KIAA0319: variants seen among roughly 807,000 people sequenced by gnomAD.
KIAA0319 encodes KIAA0319.
Under a neutral mutation model 108.4 loss-of-function variants are expected in KIAA0319, and 83 were observed. The observed-to-expected ratio is 0.77, with a 90% confidence interval of 0.64 to 0.92. KIAA0319 has a LOEUF of 0.92. KIAA0319 is among the 40% of genes least tolerant of loss of function. The pLI, the probability that KIAA0319 is intolerant of heterozygous loss-of-function variation, is 0.00. For synonymous variants in KIAA0319, 484 were observed against 510.4 expected, an observed-to-expected ratio of 0.95 and a Z score of 0.70; for missense variants, 1,195 against 1,322.4, an observed-to-expected ratio of 0.90 and a Z score of 1.49.
In KIAA0319 at chr6:24,545,172, T is replaced by G. The variant is rs779199689; in HGVS notation, c.*1993A>C. The G allele has an allele frequency of 6.6e-6, 1 of 152,170 alleles. No individual in the cohort carries two copies. The highest frequency in any genetic ancestry group is 1.5e-5 in the Non-Finnish European group (1 of 68,024). 9.4% of individuals were successfully genotyped at this position (152,170 alleles called of 1,614,324 possible). ...ATCAAGGCAGGAGTTCTTTGTTTAGTGGAAAGCAGAACTCTACAGTTTAAA... is the reference window on the plus strand; with the variant it reads ...ATCAAGGCAGGAGTTCTTTGTTTAGGGGAAAGCAGAACTCTACAGTTTAAA... On this transcript the variant is annotated 3_prime_UTR_variant, in exon 21 of 21. Coordinates refer to ENST00000378214, the MANE Select transcript of KIAA0319 (RefSeq NM_014809.4).
chr6:24,548,316 C>T (rs550773569), intron 20 of KIAA0319, among the ~76,000 whole-genome samples: 1 of 151,362 alleles, frequency 6.6e-6, no homozygotes, highest in African/African-American at 2.5e-5. Context: ...CAAAAACTCT[C>T]AGCAAATAGA....
rs533250437 is a variant in KIAA0319, at chr6:24,612,923, C to T, written c.-105-11715G>A. On this transcript the variant is annotated intron_variant, in intron 1 of 20. Coordinates refer to ENST00000378214, the MANE Select transcript of KIAA0319 (RefSeq NM_014809.4). ...ACGCCATTCTCCTGCCTCAGCCTCC[C>T]AAGTAGCTGGGACTACAGGCGCCCG... Among the ~76,000 whole-genome samples the T allele has an allele frequency of 9.2e-5, 14 of 152,224 alleles. No individual in the cohort carries two copies. In the South Asian group the frequency reaches 1.7e-3, roughly 18 times the overall value.
chr6:24,603,773 A>G, intron 1 of KIAA0319, among the ~76,000 whole-genome samples: 1 of 152,226 alleles, frequency 6.6e-6, no homozygotes, highest in East Asian at 1.9e-4. Context: ...AACAAAATCA[A>G]ACACATAACA....
At chr6:24,619,984 A>G (rs1773701795) in intron 1 of KIAA0319, among the ~76,000 whole-genome samples, 1 of 152,208 alleles carries the variant, frequency 6.6e-6, no homozygotes, top group African/African-American at 2.4e-5. Flanking sequence ...TGTTCATTCT[A>G]ACACTGCTGG....
At chr6:24,555,048 T>G (rs369180145) in intron 18 of KIAA0319, among the ~76,000 whole-genome samples, 71 of 152,288 alleles carry the variant, frequency 4.7e-4, no homozygotes, top group Middle Eastern at 3.4e-3. Context: ...TATATGGCTG[T>G]TTATGGCATG....
chr6:24,552,982 C>G (rs1761721338), intron 19 of KIAA0319, among the ~76,000 whole-genome samples: 1 of 151,000 alleles, frequency 6.6e-6, no homozygotes, highest in Non-Finnish European at 1.5e-5. Context: ...ACCTGATGCT[C>G]TCTTCTAAGG....
chr6:24,578,548 A>T (rs1167600397), intron 8 of KIAA0319, among the ~76,000 whole-genome samples: 1 of 152,354 alleles, frequency 6.6e-6, no homozygotes, highest in Non-Finnish European at 1.5e-5. Context: ...GCACATGGAA[A>T]TGCTACTTCT....
At chr6:24,613,210 A>G (rs11757448) in intron 1 of KIAA0319, among the ~76,000 whole-genome samples, 4,714 of 152,302 alleles carry the variant, frequency 0.031, 121 homozygotes, top group Middle Eastern at 0.082. Flanking sequence ...GAGTAACACC[A>G]GAGAGCAGTA....
chr6:24,564,736 A>C (rs948908636), intron 14 of KIAA0319, among the ~76,000 whole-genome samples: 20 of 152,194 alleles, frequency 1.3e-4, no homozygotes, highest in Admixed American at 3.9e-4. Context: ...TTCCCTCATA[A>C]TGTATCATGT....
intron 12 of KIAA0319, 105 bp from the exon 13 acceptor site, chr6:24,569,034 T>C (rs1764296439): frequency 1.8e-6 from 2 of 1,130,928 alleles, no homozygotes; most frequent in Non-Finnish European, 2.5e-6. Flanking sequence ...AGCTATAATA[T>C]ATACCATTTA....
At chr6:24,626,061 C>T (rs985288048) in intron 1 of KIAA0319, among the ~76,000 whole-genome samples, 2 of 152,168 alleles carry the variant, frequency 1.3e-5, no homozygotes, top group African/African-American at 2.4e-5. Flanking sequence ...TAAACCTTGA[C>T]ACCATTATGC....
At position 24,599,298 on chromosome 6, in the gene KIAA0319, C is replaced by T. The variant is rs1268070080; in HGVS notation, c.55+1751G>A. 2.1e-6 allele frequency: 1 copy of T among 482,270 alleles called. No homozygotes were observed. Among genetic ancestry groups the T allele is most frequent in the South Asian group, 2.0e-5 (1 of 51,170 alleles). 29.9% of individuals were successfully genotyped at this position (482,270 alleles called of 1,614,324 possible). The stretch of plus-strand genomic sequence containing the variant: ...CTCTGAGATGAATCAGAACATCAGC[C>T]GGCTCCAGACTGAGACTGAGGGCCT... On this transcript the variant is annotated intron_variant, in intron 2 of 20. Coordinates refer to ENST00000378214, the MANE Select transcript of KIAA0319 (RefSeq NM_014809.4). This position sits in a 1 kb window ranked among gnomAD's most constrained non-coding sequence, Gnocchi z 4.1.
intron 1 of KIAA0319, among the ~76,000 whole-genome samples, chr6:24,635,941 G>A (rs1354561880): frequency 6.6e-6 from 1 of 152,192 alleles, no homozygotes; most frequent in Non-Finnish European, 1.5e-5. Flanking sequence ...GAAATATTAT[G>A]AAAGAATAAC....
At chr6:24,563,234 TG>T in intron 16 of KIAA0319, 124 bp downstream of exon 16, 1 of 1,047,172 alleles carries the variant, frequency 9.5e-7, no homozygotes, top group Non-Finnish European at 1.3e-6. Context: ...AGTATATGAA[TG>T]GGATAAAAGT....
chr6:24,595,983 CAG>C lies in KIAA0319; in HGVS notation c.689_690del (p.Pro230ArgfsTer44). ...ESASTPAPKLPERSVLLPLPT... is the reference protein window; with the variant it reads ...ESASTPAPKLXERSVLLPLPT... ...GGCAAGGGAAGCAACACACTTCTCT[CAG>C]GGAGTTTTGGGGCAGGGGTTGAAGC... On this transcript the variant is annotated frameshift_variant, in exon 3 of 21. Coordinates refer to ENST00000378214, the MANE Select transcript of KIAA0319 (RefSeq NM_014809.4). LOFTEE classifies it high-confidence loss of function. 6.2e-7 allele frequency: 1 copy of C among 1,614,200 alleles called. No individual in the cohort carries two copies. Among genetic ancestry groups the C allele is most frequent in the Non-Finnish European group, 8.5e-7 (1 of 1,180,040 alleles).
intron 19 of KIAA0319, among the ~76,000 whole-genome samples, chr6:24,553,284 TATATATATATAC>T (rs1761788526): frequency 1.6e-4 from 13 of 81,464 alleles, no homozygotes; most frequent in Admixed American, 8.5e-4. Flanking sequence ...GATATATATA[TATATATATATAC>T]ACACACACAC....
intron 10 of KIAA0319, 89 bp downstream of exon 10, chr6:24,576,279 A>T: frequency 1.0e-6 from 1 of 1,004,322 alleles, no homozygotes; most frequent in South Asian, 1.5e-5. Context: ...AATTATCTAA[A>T]TTTAACTGCC....
intron 4 of KIAA0319, 68 bp from the exon 5 acceptor site, chr6:24,583,770 A>C: frequency 1.0e-6 from 1 of 974,258 alleles, no homozygotes; most frequent in Non-Finnish European, 1.6e-6. Context: ...GCTCTACACT[A>C]GATCTGTTTT....
chr6:24,595,570 A>AAAAAG (rs1769410446), intron 3 of KIAA0319, among the ~76,000 whole-genome samples: 2 of 150,726 alleles, frequency 1.3e-5, no homozygotes, highest in African/African-American at 2.4e-5. Flanking sequence ...AAAAAAAAAA[A>AAAAAG]CGCTACAGGC....
Sources: allele counts gnomAD v4.1 joint callset (sites outside exome capture counted in the v4.1 genomes callset), GRCh38; gene constraint gnomAD v4.1.1; non-coding constraint Gnocchi (gnomAD v3.1); transcripts MANE v1.5; gene names NCBI Gene and HGNC (gene_info 2026-07-23, HGNC 2026-07-21).